Variants in CLVS2 observed in about 807,000 individuals in gnomAD.
CLVS2 encodes clavesin-2.
A neutral mutation model predicts 29.0 loss-of-function variants in CLVS2; 19 were observed. The ratio of observed to expected loss-of-function variants is 0.66; its 90% CI spans 0.46 to 0.96. The LOEUF (loss-of-function observed/expected upper bound fraction) is 0.96, where lower values mean the gene tolerates loss of function less well. CLVS2 is among the 40% of genes least tolerant of loss of function. The pLI is 0.00. For missense variants in CLVS2, 294 were observed against 404.1 expected (o/e 0.73, Z 2.34); for synonymous variants, 161 against 151.3 (o/e 1.06, Z -0.47).
intron 4 of CLVS2, among the ~76,000 whole-genome samples, chr6:123,051,303 G>A (rs1017343484): frequency 6.6e-6 from 1 of 152,102 alleles, no homozygotes; most frequent in Non-Finnish European, 1.5e-5. Flanking sequence ...CTGGGCTGCT[G>A]GGAATATCAC....
intron 3 of CLVS2, among the ~76,000 whole-genome samples, chr6:123,033,136 A>T (rs1393129746): frequency 6.6e-6 from 1 of 152,102 alleles, no homozygotes; most frequent in Non-Finnish European, 1.5e-5. Flanking sequence ...TATTTGGTTC[A>T]TGAAGATGAA....
intron 3 of CLVS2, among the ~76,000 whole-genome samples, chr6:123,029,717 T>A (rs1269029619): frequency 6.6e-6 from 1 of 152,176 alleles, no homozygotes; most frequent in Non-Finnish European, 1.5e-5. Flanking sequence ...GACAAGTGTA[T>A]TTTGATAGAT....
At chr6:123,043,729 T>C (rs1029362074) in intron 3 of CLVS2, among the ~76,000 whole-genome samples, 4 of 152,184 alleles carry the variant, frequency 2.6e-5, no homozygotes, top group Admixed American at 2.6e-4. Context: ...CCATAAACTG[T>C]ATCCTGATGA....
chr6:123,023,761 A>G (rs554099378), intron 3 of CLVS2, among the ~76,000 whole-genome samples: 1 of 152,252 alleles, frequency 6.6e-6, no homozygotes, highest in South Asian at 2.1e-4. Context: ...TAGACTTTAG[A>G]ATCAAGCATT....
At chr6:123,008,259 G>T (rs542636875) in intron 2 of CLVS2, among the ~76,000 whole-genome samples, 2 of 152,050 alleles carry the variant, frequency 1.3e-5, no homozygotes, top group South Asian at 4.2e-4. Context: ...GCCAGATATT[G>T]AATTCAAAAA....
intron 2 of CLVS2, among the ~76,000 whole-genome samples, 164 bp downstream of exon 2, chr6:122,998,330 G>A (rs1251467503): frequency 6.6e-6 from 1 of 152,184 alleles, no homozygotes; most frequent in Non-Finnish European, 1.5e-5. Context: ...CCTGGGAAGG[G>A]AGGAGGGCTT....
At chr6:123,040,236 A>G (rs910302386) in intron 3 of CLVS2, among the ~76,000 whole-genome samples, 5 of 152,220 alleles carry the variant, frequency 3.3e-5, no homozygotes, top group African/African-American at 1.2e-4. Flanking sequence ...GGCCCTGTGC[A>G]TATAGTCATA....
In CLVS2 at chr6:123,048,606, C is replaced by A; in HGVS notation, c.565-16C>A. The A allele has an allele frequency of 1.3e-6, 2 of 1,557,944 alleles. No homozygotes were observed. Among genetic ancestry groups the A allele is most frequent in the Non-Finnish European group, 1.8e-6 (2 of 1,131,364 alleles). Reference sequence around the variant, plus strand: ...TAAAGCATATTTTGATTGTTTTTTTCTCCATGTTACTCTAGGATAGTTTCC... The same window carrying A: ...TAAAGCATATTTTGATTGTTTTTTTATCCATGTTACTCTAGGATAGTTTCC... On this transcript the variant is annotated splice_polypyrimidine_tract_variant and intron_variant, in intron 3 of 5. Coordinates refer to ENST00000275162, the MANE Select transcript of CLVS2 (RefSeq NM_001010852.4).
intron 2 of CLVS2, among the ~76,000 whole-genome samples, chr6:123,004,405 C>A (rs2114299387): frequency 6.6e-6 from 1 of 152,332 alleles, no homozygotes; most frequent in Non-Finnish European, 1.5e-5. Context: ...GACATCTAAT[C>A]TTCTGTGCTC....
At chr6:123,050,683 G>T (rs1021068211) in intron 4 of CLVS2, among the ~76,000 whole-genome samples, 2 of 152,036 alleles carry the variant, frequency 1.3e-5, no homozygotes, top group Non-Finnish European at 2.9e-5. Context: ...GGATAGGGGG[G>T]ACTGCTTTGT....
In CLVS2 at chr6:123,065,772, CTT is replaced by C. The variant is rs1772846151; in HGVS notation, c.*2014_*2015del. 1 of 151,796 alleles carries C rather than the reference CTT, an allele frequency of 6.6e-6. No individual in the cohort carries two copies. Among genetic ancestry groups the C allele is most frequent in the Non-Finnish European group, 1.5e-5 (1 of 67,794 alleles). 9.4% of individuals were successfully genotyped at this position (151,796 alleles called of 1,614,324 possible). A position where few individuals can be genotyped will look rare whatever the true frequency, so the allele number is the denominator to read the frequency against. Reference sequence around the variant, plus strand: ...CATTGTAAGTGCAGAGGGCAGTCAACTTTTCATTCTCATGAGTTTCTCTTGAT... The same window carrying C: ...CATTGTAAGTGCAGAGGGCAGTCAACTTCATTCTCATGAGTTTCTCTTGAT... On this transcript the variant is annotated 3_prime_UTR_variant, in exon 6 of 6. Coordinates refer to ENST00000275162, the MANE Select transcript of CLVS2 (RefSeq NM_001010852.4).
chr6:123,058,327 T>G (rs967277936), intron 5 of CLVS2, among the ~76,000 whole-genome samples: 4 of 152,184 alleles, frequency 2.6e-5, no homozygotes, highest in African/African-American at 4.8e-5. Context: ...TTCTCAGAAC[T>G]GAACTACATA....
chr6:123,024,868 G>C (rs1180346478), intron 3 of CLVS2, among the ~76,000 whole-genome samples: 1 of 152,000 alleles, frequency 6.6e-6, no homozygotes, highest in Non-Finnish European at 1.5e-5. Context: ...TAATTATTAA[G>C]CCATGTGTTC....
rs1772892479 is a variant in CLVS2, at chr6:123,068,220, T to C, written c.*4459T>C. 1 of 151,466 alleles carries C rather than the reference T, an allele frequency of 6.6e-6. No homozygotes were observed. The highest frequency in any genetic ancestry group is 6.6e-5 in the Admixed American group (1 of 15,128). The allele number at this position is 151,466 out of a possible 1,614,324, so 9.4% of individuals were successfully genotyped here. On this transcript the variant is annotated 3_prime_UTR_variant, in exon 6 of 6. Transcript: ENST00000275162. ...GGAAGCAGGTGTACAAATGATGCTA[T>C]TGAAATAAAAAAATGTAGAAATCAC...
chr6:123,022,291 G>T (rs761986970), intron 3 of CLVS2, among the ~76,000 whole-genome samples: 21 of 151,906 alleles, frequency 1.4e-4, no homozygotes, highest in Non-Finnish European at 2.6e-4. Flanking sequence ...TGCCTCATTT[G>T]GTTTCTAGTA....
chr6:123,059,357 C>A lies in CLVS2; in HGVS notation c.896+3331C>A, dbSNP rs185762641. 4.6e-5 allele frequency among the ~76,000 whole-genome samples: 7 copies of A among 152,186 alleles called. No homozygotes were observed. In the East Asian group the frequency reaches 1.2e-3, roughly 25 times the overall value. ...GATTTTGTTTAATTTTATATCTGCA[C>A]CCCACCCCAAAGTAAGCTTCAAGGA... On this transcript the variant is annotated intron_variant, in intron 5 of 5. Transcript: ENST00000275162.
chr6:123,023,439 A>T (rs1427285212), intron 3 of CLVS2, among the ~76,000 whole-genome samples: 1 of 151,980 alleles, frequency 6.6e-6, no homozygotes, highest in Non-Finnish European at 1.5e-5. Flanking sequence ...CTGTGTTGGT[A>T]TTAAGAATAG....
intron 3 of CLVS2, among the ~76,000 whole-genome samples, chr6:123,046,744 A>C (rs1772520412): frequency 6.6e-6 from 1 of 151,996 alleles, no homozygotes; most frequent in African/African-American, 2.4e-5. Flanking sequence ...TATTCTAGAG[A>C]TTGCTTCAGG....
In CLVS2 at chr6:123,011,178, C is replaced by T; in HGVS notation, c.564+19C>T. On this transcript the variant is annotated intron_variant, in intron 3 of 5. Transcript: ENST00000275162. ...CCTGCAGGTAGGATATGGAAATTAC[C>T]TACTTCCTTGGTCTCTTGTGTTTGA... 6.6e-7 allele frequency: 1 copy of T among 1,522,066 alleles called. No homozygotes were observed. The highest frequency in any genetic ancestry group is 8.9e-7 in the Non-Finnish European group (1 of 1,124,280). 94.3% of individuals were successfully genotyped at this position (1,522,066 alleles called of 1,614,324 possible).
Sources: gnomAD v4.1 joint callset for allele counts (sites outside exome capture counted in the v4.1 genomes callset) on GRCh38, gnomAD v4.1.1 for gene constraint, MANE v1.5 for transcripts, NCBI Gene and HGNC (gene_info 2026-07-23, HGNC 2026-07-21) for gene names.